SPEG: variants seen among roughly 807,000 people sequenced by gnomAD.
The protein encoded by SPEG is striated muscle preferentially expressed protein kinase.
SPEG carries 114 observed loss-of-function variants against 300.4 expected under a neutral mutation model. The observed-to-expected ratio is 0.38, with a 90% CI of 0.33 to 0.44. The LOEUF is 0.44. Among genes scored for constraint, SPEG ranks in the 20% least tolerant of loss-of-function variants. SPEG has a pLI of 1.00. For missense variants in SPEG, 4,201 were observed against 4,586.2 expected, an observed-to-expected ratio of 0.92 and a Z score of 2.43; for synonymous variants, 1,964 against 2,018.9, an observed-to-expected ratio of 0.97 and a Z score of 0.73.
Position 219,485,081 on chromosome 2 carries a change from G to C in SPEG, c.7609+9G>C, listed in dbSNP as rs1052584006. 9.1e-6 allele frequency: 14 copies of C among 1,531,140 alleles called. No homozygotes were observed. The highest frequency in any genetic ancestry group is 2.2e-4 in the Middle Eastern group (1 of 4,588). 94.8% of individuals were successfully genotyped at this position (1,531,140 alleles called of 1,614,324 possible). On this transcript the variant is annotated intron_variant, in intron 30 of 40. Transcript: ENST00000312358. ...CACGTCGGGCTCCTCAGGTGAGGAG[G>C]GGCAGGGGTAGGGCAGCAGGTGCAG...
rs1694035532 is a variant in SPEG at position 219,492,168 on chromosome 2, T to C, written c.9519T>C (p.Ile3173=). The C allele has an allele frequency of 6.2e-7, 1 of 1,613,766 alleles. No homozygotes were observed. Among genetic ancestry groups the C allele is most frequent in the Non-Finnish European group, 8.5e-7 (1 of 1,179,920 alleles). Residue 3173 remains isoleucine (I), a synonymous_variant, in exon 40 of 41, where the codon ATT becomes ATC. Coordinates refer to ENST00000312358, the MANE Select transcript of SPEG (RefSeq NM_005876.5). ...ACCCCCAGGAAACGGAGGCTCGGAT[T>C]GTGGGGGGCCGCTTTGATGCCTTCC... The part of the protein sequence containing the change: ...EPDPQETEAR[I]VGGRFDAFQL...
At chr2:219,441,698 G>C in intron 1 of SPEG, 1 of 402,644 alleles carries the variant, frequency 2.5e-6, no homozygotes, top group South Asian at 1.8e-5. Context: ...CTAGGGCTCC[G>C]GAGGCAGATG....
Position 219,490,575 on chromosome 2 carries a change from A to G in SPEG, c.9088A>G (p.Ile3030Val), listed in dbSNP as rs754973868. ...ERIMSLHEAY[I>V]TPRYLVLIAE... ...GATCATGTCCCTGCACGAGGCCTACATCACCCCTCGGTACCTCGTGCTCAT... is the reference window on the plus strand; with the variant it reads ...GATCATGTCCCTGCACGAGGCCTACGTCACCCCTCGGTACCTCGTGCTCAT... The change falls in exon 37 of 41, where the codon ATC becomes GTC. Residue 3030 changes from isoleucine (I) to valine (V), a missense_variant. Around this residue, in one of 4 missense-constraint regions of SPEG, gnomAD observed 318 missense variants for 429.5 expected, o/e 0.74. Transcript: ENST00000312358. 1.2e-6 allele frequency: 2 copies of G among 1,613,978 alleles called. No individual in the cohort carries two copies. The highest frequency in any genetic ancestry group is 2.2e-5 in the East Asian group (1 of 44,882).
chr2:219,470,382 C>A (rs1212151880), intron 13 of SPEG, among the ~76,000 whole-genome samples: 4 of 152,178 alleles, frequency 2.6e-5, no homozygotes, highest in Non-Finnish European at 5.9e-5. Flanking sequence ...AGTGATGCCA[C>A]CCCGGCTCCA....
chr2:219,465,831 G>C, intron 9 of SPEG: 4 of 609,800 alleles, frequency 6.6e-6, no homozygotes, highest in Non-Finnish European at 1.2e-5. Flanking sequence ...GTGCGCATGC[G>C]TGCGTGTATG....
At chr2:219,485,301 G>C in intron 30 of SPEG, 45 bp from the exon 31 acceptor site, 1 of 1,581,024 alleles carries the variant, frequency 6.3e-7, no homozygotes, top group Non-Finnish European at 8.6e-7. Context: ...GTGGGAACTT[G>C]CTGGTACTGA....
At position 219,493,109 on chromosome 2, in the gene SPEG, C is replaced by G. The variant is rs991522196; in HGVS notation, c.*323C>G. 1.7e-6 allele frequency: 1 copy of G among 581,952 alleles called. No homozygotes were observed. Among genetic ancestry groups the G allele is most frequent in the Non-Finnish European group, 3.2e-6 (1 of 310,792 alleles). The allele number at this position is 581,952 out of a possible 1,614,324, so 36.0% of individuals were successfully genotyped here. On this transcript the variant is annotated 3_prime_UTR_variant, in exon 41 of 41. Transcript: ENST00000312358. ...GGAAGGGGGAGGCTCTAGGAAGGTT[C>G]TGGGTTGGGGGTCAGTGCATCTCAG...
rs771483275 is a variant in SPEG at position 219,444,880 on chromosome 2, A to G, written c.534A>G (p.Thr178=). Residue 178 remains threonine (T), a synonymous_variant, in exon 3 of 41, where the codon ACA becomes ACG. Coordinates refer to ENST00000312358, the MANE Select transcript of SPEG (RefSeq NM_005876.5). The surrounding 1 kb of genome is among the most constrained non-coding windows in gnomAD (Gnocchi z 7.8). The part of the protein sequence containing the change: ...TSLDTPPTSV[T]GTSEEQVSWW... ...TGGACACACCCCCGACCTCCGTGACAGGCACCTCAGAGGAGCAAGTGAGCT... is the reference window on the plus strand; with the variant it reads ...TGGACACACCCCCGACCTCCGTGACGGGCACCTCAGAGGAGCAAGTGAGCT... The G allele has an allele frequency of 7.7e-6, 12 of 1,568,420 alleles. No homozygotes were observed. Among genetic ancestry groups the G allele is most frequent in the Admixed American group, 1.8e-5 (1 of 55,950 alleles).
rs553856969 is a variant in SPEG, at chr2:219,458,275, G to T, written c.2441-3607G>T. 6.6e-6 allele frequency among the ~76,000 whole-genome samples: 1 copy of T among 152,326 alleles called. No individual in the cohort carries two copies. The highest frequency in any genetic ancestry group is 6.5e-5 in the Admixed American group (1 of 15,308). ...CTAGGCATGACACCCAGCCACAAGG[G>T]TCATGAGGCTCTGCCTATGAGGGGA... On this transcript the variant is annotated intron_variant, in intron 6 of 40. Coordinates refer to ENST00000312358, the MANE Select transcript of SPEG (RefSeq NM_005876.5). This position sits in a 1 kb window ranked among gnomAD's most constrained non-coding sequence, Gnocchi z 4.2.
intron 6 of SPEG, among the ~76,000 whole-genome samples, chr2:219,454,166 G>A (rs981786104): frequency 6.6e-6 from 1 of 152,200 alleles, no homozygotes; most frequent in Non-Finnish European, 1.5e-5. Context: ...CTGCTTTTGA[G>A]GACCCACAGA....
chr2:219,472,996 G>A lies in SPEG; in HGVS notation c.4047G>A (p.Leu1349=), dbSNP rs747471943. 1.2e-6 allele frequency: 2 copies of A among 1,614,004 alleles called. No homozygotes were observed. The highest frequency in any genetic ancestry group is 1.7e-6 in the Non-Finnish European group (2 of 1,180,030). The change falls in exon 16 of 41, where the codon CTG becomes CTA. Residue 1349 remains leucine, a synonymous_variant. Coordinates refer to ENST00000312358, the MANE Select transcript of SPEG (RefSeq NM_005876.5). ...LREPGWAATG[L]RKGVQHIFRV... ...AGCCAGGGTGGGCAGCCACAGGGCT[G>A]CGTAAGGGGGTCCAGCACATCTTCC...
chr2:219,492,279 T>C lies in SPEG; in HGVS notation c.9611+19T>C. On this transcript the variant is annotated intron_variant, in intron 40 of 40. Transcript: ENST00000312358. ...ATCCCTGGTGAGTGAGCCCCACACCTGCTATCCCCCAGTGTTACCTGCCCC... is the reference window on the plus strand; with the variant it reads ...ATCCCTGGTGAGTGAGCCCCACACCCGCTATCCCCCAGTGTTACCTGCCCC... 2 of 1,605,026 alleles carry C rather than the reference T, an allele frequency of 1.2e-6. No homozygotes were observed. The highest frequency in any genetic ancestry group is 1.3e-5 in the African/African-American group (1 of 74,880).
intron 1 of SPEG, among the ~76,000 whole-genome samples, chr2:219,436,991 A>G (rs1047061964): frequency 2.6e-5 from 4 of 152,300 alleles, no homozygotes; most frequent in Admixed American, 1.3e-4. Flanking sequence ...CAGTCATAAT[A>G]TAAGTTAAGG....
At chr2:219,485,886 C>G (rs1314183423) in intron 31 of SPEG, among the ~76,000 whole-genome samples, 1 of 152,134 alleles carries the variant, frequency 6.6e-6, no homozygotes, top group Non-Finnish European at 1.5e-5. Flanking sequence ...CTGGCCTCCT[C>G]TCTCCTGGGA....
rs558731299 is a variant in SPEG at position 219,491,782 on chromosome 2, G to A, written c.9386-12G>A. 1 of 1,612,324 alleles carries A rather than the reference G, an allele frequency of 6.2e-7. No homozygotes were observed. Among genetic ancestry groups the A allele is most frequent in the East Asian group, 2.2e-5 (1 of 44,866 alleles). On this transcript the variant is annotated splice_polypyrimidine_tract_variant and intron_variant, in intron 38 of 40. Coordinates refer to ENST00000312358, the MANE Select transcript of SPEG (RefSeq NM_005876.5). ...AGGAAGCTGGGTCAGCTTGGCCTCTGTCTCCTGTCAGCTCCGGAGATGGTG... is the reference window on the plus strand; with the variant it reads ...AGGAAGCTGGGTCAGCTTGGCCTCTATCTCCTGTCAGCTCCGGAGATGGTG...
intron 1 of SPEG, among the ~76,000 whole-genome samples, chr2:219,438,606 C>T (rs924821717): frequency 6.6e-6 from 1 of 152,178 alleles, no homozygotes; most frequent in Non-Finnish European, 1.5e-5. Context: ...CAAGTGCTAC[C>T]CTCAAAGCTG....
chr2:219,477,165 G>C lies in SPEG; in HGVS notation c.4561-112G>C. On this transcript the variant is annotated intron_variant, in intron 19 of 40. Transcript: ENST00000312358. This position sits in a 1 kb window ranked among gnomAD's most constrained non-coding sequence, Gnocchi z 6.4. ...GCTTTCTGTGGGAGATAAGGGAGGA[G>C]CTGACTCTGGGTCCTGGTGAGAGAT... 1 of 1,098,368 alleles carries C rather than the reference G, an allele frequency of 9.1e-7. No homozygotes were observed. The highest frequency in any genetic ancestry group is 1.3e-6 in the Non-Finnish European group (1 of 776,434). 68.0% of individuals were successfully genotyped at this position (1,098,368 alleles called of 1,614,324 possible). A position where few individuals can be genotyped will look rare whatever the true frequency, so the allele number is the denominator to read the frequency against.
At chr2:219,466,872 T>A in intron 9 of SPEG, 1 of 1,096,620 alleles carries the variant, frequency 9.1e-7, no homozygotes, top group Non-Finnish European at 1.1e-6. Flanking sequence ...ATCTGGTGTG[T>A]TGTGTTTTTT....
rs577063600 is a variant in SPEG, at chr2:219,459,414, G to T, written c.2441-2468G>T. Among the ~76,000 whole-genome samples the T allele has an allele frequency of 1.5e-3, 224 of 152,190 alleles. 1 individual carries two copies. Among genetic ancestry groups the T allele is most frequent in the Non-Finnish European group, 2.6e-3 (176 of 68,020 alleles). ...CTGGTATGGAGCCTCAGGAATCCTC[G>T]ATCAGCTTCCTTGGTCACTCACTTT... On this transcript the variant is annotated intron_variant, in intron 6 of 40. Transcript: ENST00000312358. The surrounding 1 kb of genome is among the most constrained non-coding windows in gnomAD (Gnocchi z 4.9).
Sources: allele counts gnomAD v4.1 joint callset (sites outside exome capture counted in the v4.1 genomes callset), GRCh38; gene constraint gnomAD v4.1.1; regional missense constraint gnomAD v4.1.1; non-coding constraint Gnocchi (gnomAD v3.1); transcripts MANE v1.5; gene names NCBI Gene and HGNC (gene_info 2026-07-23, HGNC 2026-07-21).